JARID2: variants seen among roughly 807,000 people sequenced by gnomAD.
JARID2 encodes the protein protein Jumonji.
In JARID2, 21 loss-of-function variants were observed where a neutral mutation model predicts 125.6. The observed-to-expected ratio is 0.17, with a 90% CI of 0.12 to 0.24. JARID2 has a LOEUF of 0.24. Ranked by LOEUF, JARID2 falls within the 10% of genes least tolerant of loss-of-function variation. The pLI is 1.00. For missense variants in JARID2, 1,303 were observed against 1,639.6 expected, an observed-to-expected ratio of 0.79 and a Z score of 3.55; for synonymous variants, 736 against 661.6, an observed-to-expected ratio of 1.11 and a Z score of -1.73.
intron 3 of JARID2, among the ~76,000 whole-genome samples, chr6:15,419,511 T>C (rs2127584878): frequency 6.6e-6 from 1 of 152,338 alleles, no homozygotes; most frequent in East Asian, 1.9e-4. Flanking sequence ...TTTCTAACAT[T>C]AGGTCTGCTG....
At chr6:15,502,496 G>T (rs957022675) in intron 8 of JARID2, among the ~76,000 whole-genome samples, 1 of 152,180 alleles carries the variant, frequency 6.6e-6, no homozygotes, top group Non-Finnish European at 1.5e-5. Context: ...TTGGCTGTTG[G>T]TTATCACTAA....
At chr6:15,411,672 T>G (rs903609082) in intron 3 of JARID2, among the ~76,000 whole-genome samples, 3 of 152,224 alleles carry the variant, frequency 2.0e-5, no homozygotes, top group African/African-American at 7.2e-5. Context: ...TTTAAGGATG[T>G]GTAAAAAATT....
intron 1 of JARID2, among the ~76,000 whole-genome samples, chr6:15,254,481 G>A (rs1759576492): frequency 6.6e-6 from 1 of 152,116 alleles, no homozygotes; most frequent in South Asian, 2.1e-4. Flanking sequence ...TTAATGAGGC[G>A]GTGTGAGTAA....
chr6:15,355,455 C>T (rs1763566064), intron 1 of JARID2, among the ~76,000 whole-genome samples: 1 of 152,116 alleles, frequency 6.6e-6, no homozygotes, highest in Non-Finnish European at 1.5e-5. Flanking sequence ...ATTATTCACA[C>T]ACAGTATTTC....
At chr6:15,475,932 T>C (rs1211293518) in intron 5 of JARID2, among the ~76,000 whole-genome samples, 3 of 152,214 alleles carry the variant, frequency 2.0e-5, no homozygotes, top group Non-Finnish European at 2.9e-5. Flanking sequence ...CGATTGTGTA[T>C]TCAAGCAACT....
chr6:15,390,889 A>G (rs894308323), intron 2 of JARID2, among the ~76,000 whole-genome samples: 7 of 152,144 alleles, frequency 4.6e-5, no homozygotes, highest in Admixed American at 6.5e-5. Flanking sequence ...AAAACCGACA[A>G]ACTTGATACC....
At chr6:15,512,698 G>A (rs1016886076) in intron 14 of JARID2, among the ~76,000 whole-genome samples, 3 of 152,114 alleles carry the variant, frequency 2.0e-5, no homozygotes, top group African/African-American at 7.2e-5. Flanking sequence ...CATCGTGAGG[G>A]AGTGGCAGCT....
At chr6:15,407,002 T>C (rs1371605958) in intron 2 of JARID2, among the ~76,000 whole-genome samples, 1 of 152,096 alleles carries the variant, frequency 6.6e-6, no homozygotes, top group Admixed American at 6.5e-5. Flanking sequence ...TTCACGCCTG[T>C]AATTCCAGTG....
intron 8 of JARID2, 142 bp downstream of exon 8, chr6:15,501,551 A>G (rs1475651647): frequency 1.4e-6 from 1 of 711,334 alleles, no homozygotes; most frequent in African/African-American, 1.8e-5. Context: ...GCTGGGTGAT[A>G]GCGCTGTATT....
intron 3 of JARID2, among the ~76,000 whole-genome samples, chr6:15,421,288 C>G (rs1247953321): frequency 2.6e-5 from 4 of 152,000 alleles, no homozygotes. Flanking sequence ...TCCTGTCTAG[C>G]TTCACTAAAA....
rs141584967 is a variant in JARID2, at chr6:15,520,535, G to C, written c.*284G>C. ...TTGTATTGCCCCATGGCTGACAAAA[G>C]CCTTTTTTTTTGGTTTTGATTTTTT... is the stretch of plus-strand genomic sequence containing the variant. On this transcript the variant is annotated 3_prime_UTR_variant, in exon 18 of 18. Transcript: ENST00000341776. 2.7e-6 allele frequency: 1 copy of C among 363,900 alleles called. No individual in the cohort carries two copies. The highest frequency in any genetic ancestry group is 5.1e-6 in the Non-Finnish European group (1 of 196,244). The allele number at this position is 363,900 out of a possible 1,614,324, so 22.5% of individuals were successfully genotyped here.
At chr6:15,495,031 C>G (rs932271627) in intron 6 of JARID2, among the ~76,000 whole-genome samples, 1 of 152,122 alleles carries the variant, frequency 6.6e-6, no homozygotes, top group Non-Finnish European at 1.5e-5. Context: ...GTTATAAAAC[C>G]CTGAAGTCCC....
At chr6:15,478,893 G>A (rs937964713) in intron 5 of JARID2, among the ~76,000 whole-genome samples, 3 of 152,164 alleles carry the variant, frequency 2.0e-5, no homozygotes, top group South Asian at 2.1e-4. Flanking sequence ...ATGCTCTCCC[G>A]AGCTCAGGTG....
rs76729202 is a variant in JARID2 at position 15,461,206 on chromosome 6, G to T, written c.494-7336G>T. On this transcript the variant is annotated intron_variant, in intron 4 of 17. Transcript: ENST00000341776. ...GCCAGTGCAGACAACAATATAGGAA[G>T]GGTTGTAAGGGGAACGTTACAGTTT... Among the ~76,000 whole-genome samples the T allele has an allele frequency of 7.2e-3, 1,100 of 152,310 alleles. 13 individuals are homozygous for T. The highest frequency in any genetic ancestry group is 0.025 in the African/African-American group (1,046 of 41,566).
chr6:15,286,004 ATGAAGTT>A (rs1760985164), intron 1 of JARID2, among the ~76,000 whole-genome samples: 1 of 152,184 alleles, frequency 6.6e-6, no homozygotes, highest in Admixed American at 6.5e-5. Flanking sequence ...ACTTGGTTAT[ATGAAGTT>A]TGAAGTTTTT....
chr6:15,301,086 G>A (rs936874623), intron 1 of JARID2, among the ~76,000 whole-genome samples: 1 of 152,130 alleles, frequency 6.6e-6, no homozygotes, highest in African/African-American at 2.4e-5. Context: ...CAGCGTATAA[G>A]TAACTGGGTT....
At chr6:15,267,617 C>T (rs573560819) in intron 1 of JARID2, among the ~76,000 whole-genome samples, 3 of 152,272 alleles carry the variant, frequency 2.0e-5, no homozygotes, top group South Asian at 4.1e-4. Flanking sequence ...GCATTAACTC[C>T]TTATGAAGGA....
intron 4 of JARID2, among the ~76,000 whole-genome samples, chr6:15,461,806 C>T (rs62395417): frequency 0.075 from 11,397 of 151,904 alleles, 463 homozygotes; most frequent in East Asian, 0.093. Flanking sequence ...AGTCTCATGG[C>T]AAGTAAGCAT....
chr6:15,519,552 A>G (rs1771730537), intron 17 of JARID2, among the ~76,000 whole-genome samples: 1 of 152,212 alleles, frequency 6.6e-6, no homozygotes. Context: ...ATATGATTAT[A>G]GGATGTACTG....
Sources: allele counts gnomAD v4.1 joint callset (sites outside exome capture counted in the v4.1 genomes callset), GRCh38; gene constraint gnomAD v4.1.1; transcripts MANE v1.5; gene names NCBI Gene and HGNC (gene_info 2026-07-23, HGNC 2026-07-21).